FRMD4A: variants seen among roughly 807,000 people sequenced by gnomAD.
FRMD4A encodes the protein FERM domain-containing protein 4A.
FRMD4A carries 29 observed loss-of-function variants against 129.1 expected under a neutral mutation model. The observed-to-expected ratio is 0.22, with a 90% CI of 0.17 to 0.31. The LOEUF (loss-of-function observed/expected upper bound fraction) is 0.31, where lower values mean the gene tolerates loss of function less well. Among genes scored for constraint, FRMD4A ranks in the 10% least tolerant of loss-of-function variants. The probability of loss-of-function intolerance (pLI) is 1.00; values close to 1 mark genes in which losing one functional copy is unlikely to be tolerated. For missense variants in FRMD4A, 1,272 were observed against 1,375.8 expected, an observed-to-expected ratio of 0.92 and a Z score of 1.19; for synonymous variants, 634 against 571.6, an observed-to-expected ratio of 1.11 and a Z score of -1.56.
At chr10:13,868,609 C>T (rs2094402929) in intron 2 of FRMD4A, among the ~76,000 whole-genome samples, 1 of 152,118 alleles carries the variant, frequency 6.6e-6, no homozygotes, top group African/African-American at 2.4e-5. Context: ...TTGAGACCTG[C>T]CTGGGCAACA....
At chr10:14,120,346 C>T (rs570430734) in intron 2 of FRMD4A, among the ~76,000 whole-genome samples, 4 of 152,190 alleles carry the variant, frequency 2.6e-5, no homozygotes, top group African/African-American at 7.2e-5. Context: ...AGGAAGCCTT[C>T]CTTGAGTTCC....
At chr10:13,915,766 C>T (rs79082574) in intron 2 of FRMD4A, among the ~76,000 whole-genome samples, 16,903 of 151,856 alleles carry the variant, frequency 0.11, 1,119 homozygotes, top group Non-Finnish European at 0.15. Context: ...TTTCTGGAAG[C>T]GGTGGGTGAG....
intron 4 of FRMD4A, among the ~76,000 whole-genome samples, chr10:13,804,783 C>T (rs2093332362): frequency 1.4e-5 from 2 of 142,766 alleles, no homozygotes; most frequent in Admixed American, 7.4e-5. Context: ...TGGTCTTGAT[C>T]TCTTGACCTT....
intron 2 of FRMD4A, among the ~76,000 whole-genome samples, chr10:14,287,171 G>A (rs1334290887): frequency 6.6e-6 from 1 of 152,114 alleles, no homozygotes; most frequent in East Asian, 1.9e-4. Flanking sequence ...GCTCTCAGGT[G>A]GTCATCAGGC....
intron 2 of FRMD4A, among the ~76,000 whole-genome samples, chr10:14,005,367 C>T (rs1450612036): frequency 1.3e-5 from 2 of 152,218 alleles, no homozygotes; most frequent in Middle Eastern, 3.4e-3. Context: ...AGCACAGTGA[C>T]GGGCTCTTGG....
chr10:14,330,240 T>C lies in FRMD4A; in HGVS notation c.-81-57A>G, dbSNP rs1843463260. On this transcript the variant is annotated intron_variant, in intron 1 of 24. Coordinates refer to ENST00000357447, the MANE Select transcript of FRMD4A (RefSeq NM_018027.5). ...GGGAGCAAAAGGCTCAAGGGGAAGA[T>C]AGGCCACCTTTCACACAGGGTGGGG... The C allele has an allele frequency of 5.1e-6, 4 of 791,884 alleles. No individual in the cohort carries two copies. The African/African-American group carries it at 6.9e-5, about 14-fold the overall frequency. The allele number at this position is 791,884 out of a possible 1,614,324, so 49.1% of individuals were successfully genotyped here. A position where few individuals can be genotyped will look rare whatever the true frequency, so the allele number is the denominator to read the frequency against.
At chr10:13,762,006 G>T (rs2092094457) in intron 7 of FRMD4A, among the ~76,000 whole-genome samples, 1 of 152,052 alleles carries the variant, frequency 6.6e-6, no homozygotes, top group Admixed American at 6.6e-5. Context: ...CGATTTCTAG[G>T]GTCAGTTTTT....
intron 2 of FRMD4A, among the ~76,000 whole-genome samples, chr10:13,894,219 T>C (rs926643924): frequency 1.3e-5 from 2 of 152,208 alleles, no homozygotes; most frequent in African/African-American, 4.8e-5. Flanking sequence ...GCCCTGTGAA[T>C]GGGTGCTGAT....
intron 2 of FRMD4A, among the ~76,000 whole-genome samples, chr10:14,193,750 C>T (rs1441995135): frequency 6.6e-6 from 1 of 151,650 alleles, no homozygotes; most frequent in Non-Finnish European, 1.5e-5. Flanking sequence ...CCTAGAGATA[C>T]TGCTTTGATG....
chr10:14,185,600 TAGAG>T (rs1013092207), intron 2 of FRMD4A, among the ~76,000 whole-genome samples: 1 of 144,240 alleles, frequency 6.9e-6, no homozygotes, highest in Non-Finnish European at 1.5e-5. Flanking sequence ...GAGAAACAGG[TAGAG>T]AGACAGAAAG....
At chr10:13,845,320 G>T (rs917936885) in intron 3 of FRMD4A, among the ~76,000 whole-genome samples, 1 of 152,186 alleles carries the variant, frequency 6.6e-6, no homozygotes, top group African/African-American at 2.4e-5. Context: ...TTCATGAAAA[G>T]ATCAGGGGAT....
chr10:14,205,089 TGA>T (rs1842744891), intron 2 of FRMD4A, among the ~76,000 whole-genome samples: 1 of 149,880 alleles, frequency 6.7e-6, no homozygotes, highest in Admixed American at 6.7e-5. Context: ...TATACTTCTT[TGA>T]GACAGTGTAA....
chr10:13,822,482 C>T (rs1320757497), intron 3 of FRMD4A, among the ~76,000 whole-genome samples: 2 of 152,194 alleles, frequency 1.3e-5, no homozygotes, highest in Non-Finnish European at 2.9e-5. Context: ...CCAATACAGT[C>T]CCTGACACAC....
At chr10:14,070,087 C>T (rs188557271) in intron 2 of FRMD4A, among the ~76,000 whole-genome samples, 240 of 152,252 alleles carry the variant, frequency 1.6e-3, no homozygotes, top group Non-Finnish European at 2.7e-3. Context: ...TCAAATCACA[C>T]ATTTACCAGA....
At chr10:14,185,722 G>C (rs575933672) in intron 2 of FRMD4A, among the ~76,000 whole-genome samples, 4 of 152,200 alleles carry the variant, frequency 2.6e-5, no homozygotes, top group Non-Finnish European at 4.4e-5. Flanking sequence ...AGTAGTTCTA[G>C]AGAGAAGGGA....
At chr10:14,259,578 C>T (rs1264307603) in intron 2 of FRMD4A, among the ~76,000 whole-genome samples, 1 of 152,164 alleles carries the variant, frequency 6.6e-6, no homozygotes, top group Non-Finnish European at 1.5e-5. Flanking sequence ...GTATTGAAAT[C>T]TGGGGCTATT....
intron 2 of FRMD4A, among the ~76,000 whole-genome samples, chr10:14,029,419 C>T (rs758356545): frequency 6.6e-5 from 10 of 151,934 alleles, no homozygotes; most frequent in Non-Finnish European, 1.3e-4. Flanking sequence ...ATGAGTGCTC[C>T]GCAAAAGTGA....
chr10:13,780,254 G>A (rs2092701154), intron 6 of FRMD4A, among the ~76,000 whole-genome samples: 1 of 152,014 alleles, frequency 6.6e-6, no homozygotes, highest in South Asian at 2.1e-4. Context: ...TTGAACCTGG[G>A]AGGCGGAGGC....
At chr10:13,658,145 A>AG (rs1427589932) in intron 21 of FRMD4A, among the ~76,000 whole-genome samples, 67 of 150,988 alleles carry the variant, frequency 4.4e-4, no homozygotes, top group Non-Finnish European at 9.3e-4. Flanking sequence ...AAAAAAAAAA[A>AG]AAAAAAAAAA....
Sources: gnomAD v4.1 joint callset for allele counts (sites outside exome capture counted in the v4.1 genomes callset) on GRCh38, gnomAD v4.1.1 for gene constraint, MANE v1.5 for transcripts, NCBI Gene and HGNC (gene_info 2026-07-23, HGNC 2026-07-21) for gene names.